The following PHF24 variants were observed in gnomAD, a reference collection of about 807,000 sequenced individuals.
PHF24 encodes the protein Galpha inhibitory interacting protein.
Under a neutral mutation model 42.6 loss-of-function variants are expected in PHF24, and 25 were observed. The ratio of observed to expected loss-of-function variants is 0.59; its 90% CI spans 0.43 to 0.82. PHF24 has a LOEUF of 0.82. Ranked by LOEUF, PHF24 falls within the 40% of genes least tolerant of loss-of-function variation. The pLI is 0.00. For missense variants in PHF24, 470 were observed against 538.1 expected, an observed-to-expected ratio of 0.87 and a Z score of 1.25; for synonymous variants, 185 against 204.8, an observed-to-expected ratio of 0.90 and a Z score of 0.83.
chr9:34,932,464 G>C, the PHF24 span, among the ~76,000 whole-genome samples: 2 of 152,148 alleles, frequency 1.3e-5, no homozygotes, highest in African/African-American at 2.4e-5. Context: ...TTACCTCTTA[G>C]TTACTTTTAC....
At chr9:34,839,598 C>G in the PHF24 span, among the ~76,000 whole-genome samples, 1 of 152,176 alleles carries the variant, frequency 6.6e-6, no homozygotes, top group Non-Finnish European at 1.5e-5. Context: ...GAAAAAAATT[C>G]TTGGGCTCGA....
chr9:34,854,770 G>T, the PHF24 span, among the ~76,000 whole-genome samples: 1 of 152,288 alleles, frequency 6.6e-6, no homozygotes, highest in East Asian at 1.9e-4. Flanking sequence ...TGGGTAAAGA[G>T]TTCTGTAGAT....
chr9:34,723,080 A>T, the PHF24 span: 1 of 855,170 alleles, frequency 1.2e-6, no homozygotes, highest in Non-Finnish European at 1.8e-6. Context: ...GTGTATTTCT[A>T]GTGGCATCTG....
At chr9:34,883,782 TCAAC>T in the PHF24 span, among the ~76,000 whole-genome samples, 1 of 152,160 alleles carries the variant, frequency 6.6e-6, no homozygotes, top group Non-Finnish European at 1.5e-5. Context: ...GTAAACTAGT[TCAAC>T]CATTGTGGAA....
chr9:34,893,239 C>G, the PHF24 span: 3 of 441,302 alleles, frequency 6.8e-6, no homozygotes, highest in East Asian at 9.8e-5. Context: ...ATTGTCCTTT[C>G]CCAGTCCTGA....
chr9:34,711,900 A>G, the PHF24 span, among the ~76,000 whole-genome samples: 306 of 151,820 alleles, frequency 2.0e-3, 1 homozygote, highest in Non-Finnish European at 3.7e-3. Context: ...GTGAGTTATT[A>G]TTTTTTGTCC....
At chr9:34,769,143 A>G in the PHF24 span, among the ~76,000 whole-genome samples, 1 of 152,126 alleles carries the variant, frequency 6.6e-6, no homozygotes. Context: ...TGGAGACAGA[A>G]TCTTGCTCTG....
the PHF24 span, among the ~76,000 whole-genome samples, chr9:34,666,915 A>C: frequency 6.6e-6 from 1 of 152,234 alleles, no homozygotes; most frequent in Non-Finnish European, 1.5e-5. Context: ...ACTGCACTCC[A>C]GCCTGGGTGA....
the PHF24 span, among the ~76,000 whole-genome samples, chr9:34,914,746 G>A: frequency 6.6e-6 from 1 of 151,784 alleles, no homozygotes; most frequent in African/African-American, 2.4e-5. Flanking sequence ...ATGCCTTCCT[G>A]TGATCACTTG....
exon 7 of PHF24, chr9:34,977,549 C>G: frequency 1.2e-6 from 2 of 1,607,068 alleles, no homozygotes; most frequent in Non-Finnish European, 1.7e-6. Flanking sequence ...CCAGCAGCAT[C>G]AGCCATGTGG....
the PHF24 span, chr9:34,728,659 G>C: frequency 1.3e-6 from 2 of 1,551,396 alleles, no homozygotes; most frequent in Admixed American, 3.9e-5. Context: ...GTGACACTTA[G>C]AAGACAAAAA....
At chr9:34,740,355 G>A in the PHF24 span, among the ~76,000 whole-genome samples, 4 of 152,264 alleles carry the variant, frequency 2.6e-5, no homozygotes, top group East Asian at 3.8e-4. Context: ...CAGGCATGGC[G>A]GGTTGCAGGT....
rs1005027833 is a variant in PHF24 at position 34,976,858 on chromosome 9, G to A, written c.849+118G>A. On this transcript the variant is annotated intron_variant, in intron 5 of 7. Transcript: ENST00000242315. ...TCAAGCAGGGACAAGTATCAGGAATGGGCTCAGGTTCCATCCAGTGACAGA... is the reference window on the plus strand; with the variant it reads ...TCAAGCAGGGACAAGTATCAGGAATAGGCTCAGGTTCCATCCAGTGACAGA... 4 of 975,964 alleles carry A rather than the reference G, an allele frequency of 4.1e-6. No individual in the cohort carries two copies. The African/African-American group carries it at 6.5e-5, about 16-fold the overall frequency. The allele number at this position is 975,964 out of a possible 1,614,324, so 60.5% of individuals were successfully genotyped here.
the PHF24 span, among the ~76,000 whole-genome samples, chr9:34,948,966 C>T: frequency 3.9e-5 from 6 of 152,216 alleles, no homozygotes; most frequent in Non-Finnish European, 8.8e-5. Flanking sequence ...TAATGATAAG[C>T]GGGTTGATTC....
At chr9:34,707,060 G>A in the PHF24 span, among the ~76,000 whole-genome samples, 1 of 152,144 alleles carries the variant, frequency 6.6e-6, no homozygotes. Flanking sequence ...GGAGACAATT[G>A]TTTAGGACTG....
chr9:34,696,486 CAAAAA>C, the PHF24 span, among the ~76,000 whole-genome samples: 2 of 92,614 alleles, frequency 2.2e-5, no homozygotes, highest in Non-Finnish European at 4.3e-5. Context: ...GACTCCATCT[CAAAAA>C]AAAAAAAAAA....
At chr9:34,725,711 T>C in the PHF24 span, 8 of 1,544,292 alleles carry the variant, frequency 5.2e-6, no homozygotes, top group Middle Eastern at 3.3e-4. Flanking sequence ...AAATGGGACA[T>C]TGATCTGAGC....
chr9:34,707,038 G>C, the PHF24 span, among the ~76,000 whole-genome samples: 1 of 152,134 alleles, frequency 6.6e-6, no homozygotes, highest in African/African-American at 2.4e-5. Context: ...GCCCTGGAGG[G>C]GCTGAGGAGA....
At chr9:34,940,016 C>G in the PHF24 span, among the ~76,000 whole-genome samples, 1 of 151,914 alleles carries the variant, frequency 6.6e-6, no homozygotes, top group Admixed American at 6.6e-5. Flanking sequence ...GAAATCACTT[C>G]TCTTCTAACT....
Sources: allele counts gnomAD v4.1 joint callset (sites outside exome capture counted in the v4.1 genomes callset), GRCh38; gene constraint gnomAD v4.1.1; transcripts MANE v1.5; gene names NCBI Gene and HGNC (gene_info 2026-07-23, HGNC 2026-07-21).